Variants in CTNNA2 observed in about 807,000 individuals in gnomAD.
CTNNA2 encodes catenin alpha 2.
A neutral mutation model predicts 101.0 loss-of-function variants in CTNNA2; 42 were observed. The observed-to-expected ratio is 0.42, with a 90% CI of 0.32 to 0.54. CTNNA2 has a LOEUF of 0.54. Ranked by LOEUF, CTNNA2 falls within the 20% of genes least tolerant of loss-of-function variation. The pLI is 0.14. For missense variants in CTNNA2, 871 were observed against 1,223.1 expected (o/e 0.71, Z 4.29); for synonymous variants, 450 against 456.4 (o/e 0.99, Z 0.18).
intron 9 of CTNNA2, among the ~76,000 whole-genome samples, chr2:80,479,497 C>T (rs536272012): frequency 2.6e-5 from 4 of 152,164 alleles, no homozygotes; most frequent in African/African-American, 9.6e-5. Flanking sequence ...GGATGTATAG[C>T]ATGATGAAGT....
At chr2:80,159,897 C>T (rs541934042) in intron 7 of CTNNA2, among the ~76,000 whole-genome samples, 16 of 152,280 alleles carry the variant, frequency 1.1e-4, no homozygotes, top group African/African-American at 3.6e-4. Context: ...CTAAGAACTC[C>T]TTTCCTAGTC....
chr2:79,252,028 A>C (rs1674780114), intron 2 of CTNNA2, among the ~76,000 whole-genome samples: 1 of 152,202 alleles, frequency 6.6e-6, no homozygotes. Flanking sequence ...GAGAATAGAT[A>C]TCAAGAATTC....
In CTNNA2 at chr2:79,615,162, C is replaced by G. The variant is rs537266220; in HGVS notation, c.-5-36390C>G. Among the ~76,000 whole-genome samples, 206 of 152,174 alleles carry G rather than the reference C, an allele frequency of 1.4e-3. 2 individuals carry two copies. The highest frequency in any genetic ancestry group is 3.4e-3 in the Middle Eastern group (1 of 294). On this transcript the variant is annotated intron_variant, in intron 1 of 18. Transcript: ENST00000402739. ...TTCTTTAATTGGATTACCAAATAAC[C>G]AAAGTGCCTTTTAATTATTTTTATT...
At chr2:80,582,077 A>G (rs1695590749) in intron 14 of CTNNA2, among the ~76,000 whole-genome samples, 1 of 152,142 alleles carries the variant, frequency 6.6e-6, no homozygotes, top group Non-Finnish European at 1.5e-5. Context: ...TTTTATGTGT[A>G]TAATTGATTT....
At chr2:80,381,970 A>G (rs1160795535) in intron 7 of CTNNA2, among the ~76,000 whole-genome samples, 3 of 152,186 alleles carry the variant, frequency 2.0e-5, no homozygotes, top group African/African-American at 4.8e-5. Flanking sequence ...TATGCATACA[A>G]TCAAAAGCTT....
chr2:79,580,362 A>G (rs563872972), intron 1 of CTNNA2, among the ~76,000 whole-genome samples: 5 of 152,276 alleles, frequency 3.3e-5, no homozygotes, highest in African/African-American at 9.6e-5. Flanking sequence ...GCTGTGCGCC[A>G]AAGAATGCAG....
intron 7 of CTNNA2, among the ~76,000 whole-genome samples, chr2:79,935,978 T>C (rs1280092151): frequency 6.6e-6 from 1 of 152,200 alleles, no homozygotes; most frequent in Non-Finnish European, 1.5e-5. Context: ...TCCCGTGTAA[T>C]TGAGCAATCT....
intron 7 of CTNNA2, among the ~76,000 whole-genome samples, chr2:79,922,842 A>G (rs1376461808): frequency 6.6e-6 from 1 of 151,976 alleles, no homozygotes; most frequent in African/African-American, 2.4e-5. Context: ...TCGTCTCTTT[A>G]TTGCCACTCT....
intron 3 of CTNNA2, among the ~76,000 whole-genome samples, chr2:79,780,786 A>G (rs946531884): frequency 3.3e-5 from 5 of 152,216 alleles, no homozygotes; most frequent in Non-Finnish European, 5.9e-5. Flanking sequence ...CATAAAATTC[A>G]TGCAACTTAT....
chr2:80,060,800 C>G (rs900305721), intron 7 of CTNNA2, among the ~76,000 whole-genome samples: 1 of 152,186 alleles, frequency 6.6e-6, no homozygotes, highest in Non-Finnish European at 1.5e-5. Context: ...CCAAGGCACT[C>G]ACCCACCAGC....
chr2:79,859,881 G>T (rs1436162438), intron 4 of CTNNA2, among the ~76,000 whole-genome samples: 1 of 152,166 alleles, frequency 6.6e-6, no homozygotes, highest in Non-Finnish European at 1.5e-5. Context: ...TATCTCATCT[G>T]TTAAAGTGGG....
chr2:79,345,203 TTC>T (rs1677235465), intron 3 of CTNNA2, among the ~76,000 whole-genome samples: 2 of 152,136 alleles, frequency 1.3e-5, no homozygotes, highest in Admixed American at 6.6e-5. Flanking sequence ...CACATTTTTC[TTC>T]TGTTTCTCCA....
chr2:80,086,825 A>C (rs535987486), intron 7 of CTNNA2, among the ~76,000 whole-genome samples: 2 of 152,172 alleles, frequency 1.3e-5, no homozygotes, highest in Middle Eastern at 6.8e-3. Context: ...GATAGGAAGC[A>C]TTATGAAGAC....
intron 7 of CTNNA2, among the ~76,000 whole-genome samples, chr2:80,097,348 G>A (rs934021661): frequency 9.9e-5 from 15 of 152,206 alleles, no homozygotes; most frequent in South Asian, 8.3e-4. Context: ...TTCTTTTCTC[G>A]CTTGTAGAGT....
At chr2:80,608,561 A>AT (rs1417514175) in intron 17 of CTNNA2, 2 of 321,984 alleles carry the variant, frequency 6.2e-6, no homozygotes, top group Non-Finnish European at 1.1e-5. Flanking sequence ...AAGAAAACTA[A>AT]TTTTGTAGTC....
intron 7 of CTNNA2, among the ~76,000 whole-genome samples, chr2:80,019,463 A>T (rs1694395373): frequency 6.6e-6 from 1 of 152,246 alleles, no homozygotes; most frequent in Admixed American, 6.5e-5. Flanking sequence ...AAACCAGGAA[A>T]GCATACAGCA....
In CTNNA2 at chr2:79,284,471, G is replaced by C. The variant is rs796433351; in HGVS notation, c.-405-28238G>C. Among the ~76,000 whole-genome samples the C allele has an allele frequency of 2.1e-4, 31 of 150,944 alleles. 1 individual carries two copies. The highest frequency in any genetic ancestry group is 6.6e-4 in the African/African-American group (27 of 41,014). On this transcript the variant is annotated intron_variant, in intron 2 of 21. Coordinates refer to the CTNNA2 transcript ENST00000466387. ...TTTATTGAGAGTTTTTAGCATGAAG[G>C]GTTGTTGAATTTTGTCAAAGGCTTT...
intron 1 of CTNNA2, among the ~76,000 whole-genome samples, chr2:79,638,981 T>A (rs1291044508): frequency 6.6e-6 from 1 of 152,204 alleles, no homozygotes; most frequent in African/African-American, 2.4e-5. Flanking sequence ...TTCCTGCATT[T>A]TTTCTGGCAG....
chr2:79,540,032 C>G (rs1426944475), intron 1 of CTNNA2, among the ~76,000 whole-genome samples: 1 of 152,036 alleles, frequency 6.6e-6, no homozygotes, highest in Non-Finnish European at 1.5e-5. Flanking sequence ...CCTTTCTGTC[C>G]CACCAGACTG....
Sources: gnomAD v4.1 joint callset for allele counts (sites outside exome capture counted in the v4.1 genomes callset) on GRCh38, gnomAD v4.1.1 for gene constraint, MANE v1.5 for transcripts, NCBI Gene and HGNC (gene_info 2026-07-23, HGNC 2026-07-21) for gene names.